COL4A6: variants seen among roughly 807,000 people sequenced by gnomAD.
COL4A6 encodes collagen alpha-6(IV) chain.
COL4A6 carries 59 observed loss-of-function variants against 126.7 expected under a neutral mutation model. The ratio of observed to expected loss-of-function variants is 0.47; its 90% CI spans 0.38 to 0.58. The LOEUF is 0.58. COL4A6 is among the 20% of genes least tolerant of loss of function. The probability of loss-of-function intolerance (pLI) is 0.00; values close to 1 mark genes in which losing one functional copy is unlikely to be tolerated. For missense variants in COL4A6, 1,285 were observed against 1,337.3 expected, an observed-to-expected ratio of 0.96 and a Z score of 0.61; for synonymous variants, 547 against 496.6, an observed-to-expected ratio of 1.10 and a Z score of -1.35.
At chrX:108,333,663 A>T (rs2039363580) in intron 2 of COL4A6, among the ~76,000 whole-genome samples, 1 of 111,677 alleles carries the variant, frequency 9.0e-6, no homozygotes, top group African/African-American at 3.2e-5. Context: ...ATATCTAAAA[A>T]CCTAAAAGAC....
chrX:108,262,978 G>A (rs1277245196), intron 3 of COL4A6, among the ~76,000 whole-genome samples: 1 of 110,834 alleles, frequency 9.0e-6, no homozygotes, highest in African/African-American at 3.3e-5. Context: ...AAACATTAAG[G>A]TACATTCCAT....
intron 2 of COL4A6, among the ~76,000 whole-genome samples, chrX:108,423,321 C>A (rs1035134387): frequency 8.9e-6 from 1 of 112,009 alleles, no homozygotes; most frequent in Non-Finnish European, 1.9e-5. Context: ...TTAACAATAA[C>A]CCTAACATCA....
At chrX:108,416,802 T>C (rs2041443959) in intron 2 of COL4A6, among the ~76,000 whole-genome samples, 2 of 112,076 alleles carry the variant, frequency 1.8e-5, no homozygotes, top group African/African-American at 6.5e-5. Flanking sequence ...GCCTGATACC[T>C]TGTTGGGTGT....
At chrX:108,423,297 T>C (rs2064016530) in intron 2 of COL4A6, among the ~76,000 whole-genome samples, 1 of 112,181 alleles carries the variant, frequency 8.9e-6, no homozygotes, top group Admixed American at 9.4e-5. Flanking sequence ...AATCAAATGG[T>C]TGGCATCAAG....
At chrX:108,205,584 C>A in intron 10 of COL4A6, 76 bp downstream of exon 10, 3 of 1,132,461 alleles carry the variant, frequency 2.6e-6, no homozygotes, top group Admixed American at 2.3e-5. Context: ...TAGGGTTAAC[C>A]AAACCAGTAT....
At position 108,221,387 on chromosome X, in the gene COL4A6, G is replaced by C. The variant is rs1016683323; in HGVS notation, c.145-13C>G. On this transcript the variant is annotated splice_polypyrimidine_tract_variant and intron_variant, in intron 3 of 44. Transcript: ENST00000334504. ...GTCCAGGTCGTCCCTAAGGTGGACA[G>C]AAGGAGTGCAATTAGTCAATAGAGG... The C allele has an allele frequency of 8.3e-7, 1 of 1,208,046 alleles. No individual in the cohort carries two copies.
At chrX:108,425,144 A>C (rs1408874838) in intron 2 of COL4A6, among the ~76,000 whole-genome samples, 2 of 108,525 alleles carry the variant, frequency 1.8e-5, no homozygotes, top group African/African-American at 6.7e-5. Context: ...GATTGTATTA[A>C]TGGGTGCTGC....
At chrX:108,439,058 A>C (rs916012301), upstream of COL4A6, among the ~76,000 whole-genome samples, 6 of 112,166 alleles carry the variant, frequency 5.3e-5, no homozygotes, top group Non-Finnish European at 9.4e-5. Flanking sequence ...GCTGCCATCA[A>C]CTCTATTTAA....
intron 36 of COL4A6, 67 bp downstream of exon 36, chrX:108,169,878 T>C (rs1046404497): frequency 9.7e-7 from 1 of 1,029,731 alleles, no homozygotes; most frequent in Non-Finnish European, 1.3e-6. Context: ...CGAGAATTCA[T>C]GGCCAGCCCT....
chrX:108,188,596 C>A lies in COL4A6; in HGVS notation c.1508G>T (p.Gly503Val). 8.3e-7 allele frequency: 1 copy of A among 1,199,652 alleles called. No homozygotes were observed. Among genetic ancestry groups the A allele is most frequent in the Non-Finnish European group, 1.1e-6 (1 of 889,350 alleles). ...PGEPGPPGPW[G>V]LIGLPGLKGA... ...TTTAAGGCCTGGAAGGCCTATGAGACCCCATGGACCAGGTGGGCCTGGTTC... is the reference window on the plus strand; with the variant it reads ...TTTAAGGCCTGGAAGGCCTATGAGAACCCATGGACCAGGTGGGCCTGGTTC... The change falls in exon 21 of 45, where the codon GGT becomes GTT. Residue 503 changes from glycine (G) to valine (V), a missense_variant. By Grantham distance (109) the Gly-to-Val change is moderately radical. Transcript: ENST00000334504.
chrX:108,342,198 C>A (rs945787702), intron 2 of COL4A6, among the ~76,000 whole-genome samples: 2 of 111,945 alleles, frequency 1.8e-5, no homozygotes, highest in African/African-American at 6.5e-5. Context: ...ATTATGCAAC[C>A]AACTCCCCTT....
At chrX:108,242,561 C>T (rs1225906938) in intron 3 of COL4A6, among the ~76,000 whole-genome samples, 3 of 112,121 alleles carry the variant, frequency 2.7e-5, no homozygotes, top group Admixed American at 1.9e-4. Flanking sequence ...GCTAAGCAAC[C>T]TATTTGAGTG....
At chrX:108,332,706 T>G (rs919038576) in intron 2 of COL4A6, among the ~76,000 whole-genome samples, 3 of 105,374 alleles carry the variant, frequency 2.8e-5, no homozygotes, top group Non-Finnish European at 4.0e-5. Flanking sequence ...TATTTGTTAG[T>G]TTTTTTTTTT....
chrX:108,357,823 G>T (rs569758654), intron 2 of COL4A6, among the ~76,000 whole-genome samples: 1 of 110,932 alleles, frequency 9.0e-6, no homozygotes, highest in East Asian at 2.9e-4. Context: ...AGTAACTCTA[G>T]CAGTTACGTA....
intron 2 of COL4A6, among the ~76,000 whole-genome samples, chrX:108,348,990 C>A (rs2039779010): frequency 9.0e-6 from 1 of 111,316 alleles, no homozygotes; most frequent in African/African-American, 3.3e-5. Flanking sequence ...GCATCTCCTC[C>A]CAACTTAGCA....
chrX:108,259,112 C>T (rs2037086792), intron 3 of COL4A6, among the ~76,000 whole-genome samples: 1 of 111,602 alleles, frequency 9.0e-6, no homozygotes, highest in South Asian at 3.7e-4. Flanking sequence ...CAGAAAGTTG[C>T]TCATTATAAT....
intron 3 of COL4A6, among the ~76,000 whole-genome samples, chrX:108,243,755 C>T (rs1352467070): frequency 8.9e-6 from 1 of 111,740 alleles, no homozygotes; most frequent in Non-Finnish European, 1.9e-5. Flanking sequence ...GCATCACTCA[C>T]ATACCCATGC....
At chrX:108,298,664 A>G (rs2038397886) in intron 3 of COL4A6, among the ~76,000 whole-genome samples, 2 of 110,037 alleles carry the variant, frequency 1.8e-5, no homozygotes, top group Non-Finnish European at 1.9e-5. Flanking sequence ...GAAACTCTCA[A>G]GGAGGCCCTG....
At chrX:108,179,798 G>A (rs2034627922) in intron 25 of COL4A6, among the ~76,000 whole-genome samples, 1 of 107,340 alleles carries the variant, frequency 9.3e-6, no homozygotes, top group South Asian at 4.2e-4. Flanking sequence ...CTTCTTGGGT[G>A]GGGAGAGGGT....
Sources: gnomAD v4.1 joint callset for allele counts (sites outside exome capture counted in the v4.1 genomes callset) on GRCh38, gnomAD v4.1.1 for gene constraint, MANE v1.5 for transcripts, NCBI Gene and HGNC (gene_info 2026-07-23, HGNC 2026-07-21) for gene names.